STRN: variants seen among roughly 807,000 people sequenced by gnomAD.
The protein encoded by STRN is protein phosphatase 2 regulatory subunit B'''alpha.
Under a neutral mutation model 96.3 loss-of-function variants are expected in STRN, and 53 were observed. The ratio of observed to expected loss-of-function variants is 0.55; its 90% confidence interval spans 0.44 to 0.69. STRN has a LOEUF of 0.69. Among genes scored for constraint, STRN ranks in the 30% least tolerant of loss-of-function variants. STRN has a pLI of 0.00. For synonymous variants in STRN, 428 were observed against 355.9 expected, an observed-to-expected ratio of 1.20 and a Z score of -2.28; for missense variants, 987 against 963.9, an observed-to-expected ratio of 1.02 and a Z score of -0.32.
At chr2:36,933,969 G>A (rs184401548) in intron 1 of STRN, among the ~76,000 whole-genome samples, 10 of 152,062 alleles carry the variant, frequency 6.6e-5, no homozygotes, top group African/African-American at 1.4e-4. Context: ...AAAATTACCC[G>A]GGTGTGGTGG....
intron 12 of STRN, among the ~76,000 whole-genome samples, chr2:36,862,922 A>C (rs995090736): frequency 4.6e-5 from 7 of 151,994 alleles, no homozygotes; most frequent in African/African-American, 1.7e-4. Context: ...TTTTTAGTAG[A>C]GACGCGGTTT....
intron 10 of STRN, among the ~76,000 whole-genome samples, chr2:36,872,137 A>G (rs1572636444): frequency 6.6e-6 from 1 of 152,334 alleles, no homozygotes; most frequent in Non-Finnish European, 1.5e-5. Context: ...TAAACCTTAT[A>G]TAGTTTCCTC....
rs1315161515 is a variant in STRN at position 36,843,786 on chromosome 2, C to G, written c.*5670G>C. 6.6e-6 allele frequency: 1 copy of G among 152,122 alleles called. No homozygotes were observed. Among genetic ancestry groups the G allele is most frequent in the African/African-American group, 2.4e-5 (1 of 41,410 alleles). The allele number at this position is 152,122 out of a possible 1,614,324, so 9.4% of individuals were successfully genotyped here. A position where few individuals can be genotyped will look rare whatever the true frequency, so the allele number is the denominator to read the frequency against. On this transcript the variant is annotated 3_prime_UTR_variant, in exon 18 of 18. Transcript: ENST00000263918. ...ACAAATATTCCAATTCATGAGACAC[C>G]TATAGCATGTTATCTATATTTGTAC... is the stretch of plus-strand genomic sequence containing the variant.
rs1558633779 is a variant in STRN, at chr2:36,877,967, G to C, written c.1247C>G (p.Ala416Gly). 9.3e-6 allele frequency: 15 copies of C among 1,614,014 alleles called. No homozygotes were observed. Among genetic ancestry groups the C allele is most frequent in the Non-Finnish European group, 1.3e-5 (15 of 1,180,016 alleles). Reference protein sequence around the residue: ...GKSFIMGADEALESELGLGEL... With the variant: ...GKSFIMGADEGLESELGLGEL... ...TCCAAGTCCCAGTTCACTTTCAAGGGCTTCATCTGCTCCCATGATGAATGA... is the reference window on the plus strand; with the variant it reads ...TCCAAGTCCCAGTTCACTTTCAAGGCCTTCATCTGCTCCCATGATGAATGA... Residue 416 changes from alanine to glycine, a missense_variant, in exon 10 of 18, where the codon GCC becomes GGC. Ala to Gly is a moderately conservative substitution (Grantham distance 60). Coordinates refer to ENST00000263918, the MANE Select transcript of STRN (RefSeq NM_003162.4).
chr2:36,937,181 T>TA (rs1159202810), intron 1 of STRN, among the ~76,000 whole-genome samples: 1 of 151,510 alleles, frequency 6.6e-6, no homozygotes, highest in Non-Finnish European at 1.5e-5. Context: ...CTGTCTCTAC[T>TA]AAAAAATACA....
At chr2:36,875,584 C>G (rs1328656691) in intron 10 of STRN, among the ~76,000 whole-genome samples, 1 of 118,136 alleles carries the variant, frequency 8.5e-6, no homozygotes, top group Non-Finnish European at 1.8e-5. Context: ...AAAAAAAAAG[C>G]AAAAATCAAC....
chr2:36,950,267 G>A (rs549451291), intron 1 of STRN, among the ~76,000 whole-genome samples: 6 of 145,262 alleles, frequency 4.1e-5, no homozygotes, highest in Non-Finnish European at 9.0e-5. Flanking sequence ...CCAGACTGGA[G>A]TGCAGTGGCT....
At chr2:36,934,222 G>C (rs912500082) in intron 1 of STRN, among the ~76,000 whole-genome samples, 18 of 152,118 alleles carry the variant, frequency 1.2e-4, no homozygotes, top group African/African-American at 1.9e-4. Flanking sequence ...AAAAAGAACA[G>C]AAATGTTCTA....
intron 7 of STRN, among the ~76,000 whole-genome samples, chr2:36,890,681 A>C (rs1669371187): frequency 6.6e-6 from 1 of 151,856 alleles, no homozygotes; most frequent in Non-Finnish European, 1.5e-5. Context: ...ATGGGGTTTC[A>C]CCAGGTTAGC....
chr2:36,961,837 C>T (rs1192771508), intron 1 of STRN, among the ~76,000 whole-genome samples: 1 of 152,174 alleles, frequency 6.6e-6, no homozygotes, highest in East Asian at 1.9e-4. Context: ...TGACTTCTTC[C>T]ATTCTCTTCC....
At chr2:36,930,592 AC>A (rs1221683666) in intron 1 of STRN, among the ~76,000 whole-genome samples, 5 of 152,106 alleles carry the variant, frequency 3.3e-5, no homozygotes, top group Non-Finnish European at 7.4e-5. Flanking sequence ...TCTAGTAAGT[AC>A]CCAGGTGATA....
chr2:36,892,352 C>A (rs1301517813), intron 7 of STRN, among the ~76,000 whole-genome samples: 4 of 152,094 alleles, frequency 2.6e-5, no homozygotes, highest in Admixed American at 6.6e-5. Context: ...ATCATTTACA[C>A]CCTGAACTGC....
intron 1 of STRN, among the ~76,000 whole-genome samples, chr2:36,956,920 C>T (rs555414456): frequency 6.6e-6 from 1 of 152,300 alleles, no homozygotes; most frequent in Admixed American, 6.5e-5. Flanking sequence ...CTACTGAACG[C>T]AGCCAAAAAT....
intron 3 of STRN, among the ~76,000 whole-genome samples, chr2:36,911,913 T>C (rs1669973782): frequency 6.6e-6 from 1 of 152,244 alleles, no homozygotes; most frequent in Non-Finnish European, 1.5e-5. Context: ...TTAGTCTTCC[T>C]GTTTACCATT....
chr2:36,856,820 T>C (rs79415995), intron 14 of STRN, among the ~76,000 whole-genome samples: 1,965 of 152,286 alleles, frequency 0.013, 43 homozygotes, highest in African/African-American at 0.045. Flanking sequence ...TTTGGTGCTA[T>C]TCTCGTGATA....
At chr2:36,883,111 A>T (rs1344144698) in intron 9 of STRN, among the ~76,000 whole-genome samples, 1 of 152,216 alleles carries the variant, frequency 6.6e-6, no homozygotes, top group Non-Finnish European at 1.5e-5. Flanking sequence ...TACATGATGT[A>T]GAATAATGCA....
chr2:36,868,935 G>C (rs113323040), intron 11 of STRN, among the ~76,000 whole-genome samples: 2 of 150,126 alleles, frequency 1.3e-5, no homozygotes, highest in South Asian at 2.1e-4. Flanking sequence ...ACCCAAGCAA[G>C]TAGAACCAGA....
chr2:36,858,129 A>G, intron 13 of STRN, 106 bp from the exon 14 acceptor site: 1 of 808,024 alleles, frequency 1.2e-6, no homozygotes, highest in Non-Finnish European at 1.8e-6. Flanking sequence ...ATAACAGTAT[A>G]AAATATGATT....
At chr2:36,917,538 G>GAAAAAAAAAAAAAAAAAAA (rs576754026) in intron 2 of STRN, among the ~76,000 whole-genome samples, 2 of 88,638 alleles carry the variant, frequency 2.3e-5, no homozygotes, top group African/African-American at 6.9e-5. Flanking sequence ...ACAAAAAAAA[G>GAAAAAAAAAAAAAAAAAAA]AAAAAAAAAA....
Sources: gnomAD v4.1 joint callset for allele counts (sites outside exome capture counted in the v4.1 genomes callset) on GRCh38, gnomAD v4.1.1 for gene constraint, MANE v1.5 for transcripts, NCBI Gene and HGNC (gene_info 2026-07-23, HGNC 2026-07-21) for gene names.